STK33: variants seen among roughly 807,000 people sequenced by gnomAD.
STK33 encodes the protein serine/threonine-protein kinase 33.
In STK33, 52 loss-of-function variants were observed where a neutral mutation model predicts 58.0. That is an observed-to-expected ratio of 0.90 (90% CI 0.72 to 1.13). The LOEUF (loss-of-function observed/expected upper bound fraction) is 1.13. Among genes scored for constraint, STK33 ranks in the 50% most tolerant of loss-of-function variants. The pLI is 0.00. For synonymous variants in STK33, 215 were observed against 200.1 expected, an observed-to-expected ratio of 1.07 and a Z score of -0.63; for missense variants, 630 against 604.2, an observed-to-expected ratio of 1.04 and a Z score of -0.45.
intron 1 of STK33, among the ~76,000 whole-genome samples, chr11:8,505,837 AAAC>A (rs1310714974): frequency 3.9e-5 from 6 of 152,332 alleles, no homozygotes; most frequent in African/African-American, 1.4e-4. Context: ...TCAACTCCTA[AAAC>A]AACACTCAAC....
intron 1 of STK33, among the ~76,000 whole-genome samples, chr11:8,531,184 TAATAA>T (rs1175263489): frequency 2.0e-5 from 3 of 152,130 alleles, no homozygotes; most frequent in Admixed American, 6.5e-5. Flanking sequence ...TTGAAATGAT[TAATAA>T]AATAAATACC....
the STK33 span, among the ~76,000 whole-genome samples, chr11:8,337,444 C>T: frequency 1.3e-5 from 2 of 152,164 alleles, no homozygotes; most frequent in Non-Finnish European, 2.9e-5. Context: ...GCCAACAGGG[C>T]CGGCCTAGGG....
chr11:8,552,377 G>A (rs1956361241), intron 1 of STK33, among the ~76,000 whole-genome samples: 1 of 152,102 alleles, frequency 6.6e-6, no homozygotes, highest in Non-Finnish European at 1.5e-5. Context: ...GATGCCAGAG[G>A]ATCTTCTATT....
chr11:8,365,880 AC>A, the STK33 span, among the ~76,000 whole-genome samples: 2 of 151,304 alleles, frequency 1.3e-5, no homozygotes, highest in African/African-American at 4.9e-5. Context: ...GGGCTTCAGC[AC>A]CCCTCTCCAT....
At chr11:8,534,572 G>C (rs61880277) in intron 1 of STK33, among the ~76,000 whole-genome samples, 6 of 111,820 alleles carry the variant, frequency 5.4e-5, no homozygotes, top group African/African-American at 2.4e-4. Context: ...CTCTCTCTGT[G>C]TGTGTGTGTG....
At chr11:8,507,795 A>G (rs1048255561) in intron 1 of STK33, among the ~76,000 whole-genome samples, 2 of 152,242 alleles carry the variant, frequency 1.3e-5, no homozygotes, top group Non-Finnish European at 2.9e-5. Context: ...GACTCCTATC[A>G]CAAGGATCGT....
chr11:8,539,160 A>C (rs771628720), intron 1 of STK33, among the ~76,000 whole-genome samples: 1 of 152,220 alleles, frequency 6.6e-6, no homozygotes, highest in Non-Finnish European at 1.5e-5. Context: ...AGAAAAAAAA[A>C]CAATAATGAC....
chr11:8,414,149 A>C (rs1443460981), intron 14 of STK33, among the ~76,000 whole-genome samples: 1 of 152,218 alleles, frequency 6.6e-6, no homozygotes, highest in Non-Finnish European at 1.5e-5. Context: ...CAATTAGTCA[A>C]GCACTGTGTC....
At chr11:8,568,227 C>A (rs1251442664) in intron 1 of STK33, among the ~76,000 whole-genome samples, 4 of 152,168 alleles carry the variant, frequency 2.6e-5, no homozygotes, top group African/African-American at 9.6e-5. Context: ...TAGTAATTCA[C>A]ATTTTCTATT....
chr11:8,400,044 A>C (rs1179491432), intron 15 of STK33, among the ~76,000 whole-genome samples: 1 of 152,190 alleles, frequency 6.6e-6, no homozygotes, highest in African/African-American at 2.4e-5. Flanking sequence ...AGAGGTACAA[A>C]GAGGAGCTGG....
the STK33 span, among the ~76,000 whole-genome samples, chr11:8,362,907 T>TTCCTTCCTTCCTCCC: frequency 3.2e-5 from 4 of 124,844 alleles, no homozygotes; most frequent in Non-Finnish European, 6.8e-5. Context: ...TCTCTCTCCC[T>TTCCTTCCTTCCTCCC]TCCTTCCTTC....
chr11:8,546,808 C>CCACAT (rs540931571), intron 1 of STK33, among the ~76,000 whole-genome samples: 287 of 152,298 alleles, frequency 1.9e-3, no homozygotes, highest in Non-Finnish European at 1.2e-3. Context: ...TGTATATTTA[C>CCACAT]CACATTTTCT....
At chr11:8,542,655 A>G (rs1955610518) in intron 1 of STK33, among the ~76,000 whole-genome samples, 1 of 152,238 alleles carries the variant, frequency 6.6e-6, no homozygotes, top group African/African-American at 2.4e-5. Flanking sequence ...ACGTGATCAA[A>G]TATGCTTGGA....
chr11:8,577,137 A>G (rs1958245001), intron 1 of STK33, among the ~76,000 whole-genome samples: 1 of 152,210 alleles, frequency 6.6e-6, no homozygotes, highest in African/African-American at 2.4e-5. Context: ...TATGGTATCT[A>G]ACATGATACA....
intron 15 of STK33, among the ~76,000 whole-genome samples, chr11:8,400,097 G>A (rs1850115943): frequency 6.6e-6 from 1 of 152,182 alleles, no homozygotes; most frequent in South Asian, 2.1e-4. Context: ...GAAAAAGAGG[G>A]AATCCTCCCT....
At chr11:8,589,217 T>C (rs1193988145) in intron 1 of STK33, among the ~76,000 whole-genome samples, 2 of 152,254 alleles carry the variant, frequency 1.3e-5, no homozygotes, top group East Asian at 3.9e-4. Context: ...TACATGAATA[T>C]TCATAGCAGC....
At chr11:8,404,818 G>T (rs1328129132) in intron 15 of STK33, among the ~76,000 whole-genome samples, 3 of 152,182 alleles carry the variant, frequency 2.0e-5, no homozygotes, top group Admixed American at 6.5e-5. Context: ...GGGATTGCTG[G>T]ATAAATGGTA....
At chr11:8,496,483 G>T (rs1357491422) in intron 1 of STK33, among the ~76,000 whole-genome samples, 1 of 152,068 alleles carries the variant, frequency 6.6e-6, no homozygotes, top group East Asian at 1.9e-4. Flanking sequence ...TGTGTTTAAG[G>T]AATCTCTACT....
At chr11:8,489,261 A>G (rs986957441) in intron 1 of STK33, among the ~76,000 whole-genome samples, 3 of 105,822 alleles carry the variant, frequency 2.8e-5, no homozygotes, top group African/African-American at 1.2e-4. Context: ...TATCTCCAAA[A>G]AAAAAAAAAA....
Sources: gnomAD v4.1 joint callset for allele counts (sites outside exome capture counted in the v4.1 genomes callset) on GRCh38, gnomAD v4.1.1 for gene constraint, MANE v1.5 for transcripts, NCBI Gene and HGNC (gene_info 2026-07-23, HGNC 2026-07-21) for gene names.